The following MMEL1 variants were observed in gnomAD, a reference collection of about 807,000 sequenced individuals.
MMEL1 encodes membrane metallo-endopeptidase-like 1.
Under a neutral mutation model 117.1 loss-of-function variants are expected in MMEL1, and 98 were observed. The observed-to-expected ratio is 0.84, with a 90% CI of 0.71 to 0.99. MMEL1 has a LOEUF of 0.99. Ranked by LOEUF, MMEL1 falls within the 50% of genes least tolerant of loss-of-function variation. MMEL1 has a pLI of 0.00. For missense variants in MMEL1, 1,014 were observed against 1,049.1 expected (o/e 0.97, Z 0.46); for synonymous variants, 390 against 415.1 (o/e 0.94, Z 0.74).
At chr1:2,629,591 G>A in intron 1 of MMEL1, 70 bp from the exon 2 acceptor site, 1 of 1,328,694 alleles carries the variant, frequency 7.5e-7, no homozygotes. Context: ...AGGCTGGAAG[G>A]GCCGGATGCT....
chr1:2,591,359 C>A, intron 23 of MMEL1, 198 bp downstream of exon 23: 1 of 604,782 alleles, frequency 1.7e-6, no homozygotes, highest in Non-Finnish European at 2.9e-6. Flanking sequence ...TAGGCTCCCC[C>A]TTCCTAAACC....
rs150441473 is a variant in MMEL1, at chr1:2,609,803, C to G, written c.321G>C (p.Pro107=). Residue 107 remains proline, a synonymous_variant, in exon 5 of 24, where the codon CCG becomes CCC. Transcript: ENST00000378412. ...AGAAGTCGTCACACGGTTCCGTGGT[C>G]GGGTCCATGTTCTGGAGGATCCTGG... ...AAARILQNMD[P]TTEPCDDFYQ... 1.3e-5 allele frequency: 21 copies of G among 1,612,342 alleles called. No individual in the cohort carries two copies. The Admixed American group carries it at 3.0e-4, about 23-fold the overall frequency.
chr1:2,606,191 A>C (rs1264965162), intron 8 of MMEL1, 57 bp downstream of exon 8: 1 of 1,377,456 alleles, frequency 7.3e-7, no homozygotes, highest in Admixed American at 1.7e-5. Flanking sequence ...GTGCTGCAAG[A>C]GCCCCCAGCC....
chr1:2,601,984 AG>A (rs1430404870), intron 11 of MMEL1, among the ~76,000 whole-genome samples: 4 of 152,226 alleles, frequency 2.6e-5, no homozygotes, highest in African/African-American at 9.6e-5. Flanking sequence ...ACTGTTGAAC[AG>A]ATGCGTGTGC....
intron 14 of MMEL1, 91 bp from the exon 15 acceptor site, chr1:2,596,198 C>T (rs1041764822): frequency 2.8e-5 from 35 of 1,257,440 alleles, no homozygotes; most frequent in South Asian, 1.6e-4. Context: ...GTCTGAGCCC[C>T]GCCGGGGCAA....
At chr1:2,602,600 A>G (rs990212659) in intron 11 of MMEL1, among the ~76,000 whole-genome samples, 1 of 150,460 alleles carries the variant, frequency 6.6e-6, no homozygotes, top group African/African-American at 2.5e-5. Flanking sequence ...CGTCCCCTTC[A>G]CTCACTCTTA....
chr1:2,615,808 G>A (rs1249908306), intron 2 of MMEL1, among the ~76,000 whole-genome samples: 1 of 152,130 alleles, frequency 6.6e-6, no homozygotes, highest in African/African-American at 2.4e-5. Flanking sequence ...AGACCTGTAG[G>A]ACAATGTTAA....
intron 6 of MMEL1, among the ~76,000 whole-genome samples, chr1:2,608,348 G>T (rs969273262): frequency 3.3e-5 from 5 of 152,112 alleles, no homozygotes; most frequent in Non-Finnish European, 5.9e-5. Flanking sequence ...GAGTTAAACG[G>T]TGCTGGGCCG....
At chr1:2,591,498 C>T (rs1366941596) in intron 23 of MMEL1, 59 bp downstream of exon 23, 1 of 1,392,394 alleles carries the variant, frequency 7.2e-7, no homozygotes, top group Non-Finnish European at 1.0e-6. Context: ...TTACAGGCCA[C>T]TGGGGTGGGG....
At chr1:2,625,921 A>G (rs906853507) in intron 2 of MMEL1, among the ~76,000 whole-genome samples, 13 of 132,582 alleles carry the variant, frequency 9.8e-5, no homozygotes, top group African/African-American at 3.1e-4. Flanking sequence ...GGAGTTCCCT[A>G]TGACCAGTGG....
At position 2,629,361 on chromosome 1, in the gene MMEL1, C is replaced by T. The variant is rs1638430885; in HGVS notation, c.124G>A (p.Ala42Thr). Residue 42 changes from alanine to threonine, a missense_variant, in exon 2 of 24, where the codon GCC becomes ACC. Coordinates refer to ENST00000378412, the MANE Select transcript of MMEL1 (RefSeq NM_033467.4). ...LLLLVTAALVALGVLYADRRG... is the reference protein window; with the variant it reads ...LLLLVTAALVTLGVLYADRRG... ...CGGTCGGCGTAGAGGACACCCAAGGCCACCAGGGCAGCGGTCACCAGCAGC... is the reference window on the plus strand; with the variant it reads ...CGGTCGGCGTAGAGGACACCCAAGGTCACCAGGGCAGCGGTCACCAGCAGC... 1 of 1,543,464 alleles carries T rather than the reference C, an allele frequency of 6.5e-7. No homozygotes were observed. Among genetic ancestry groups the T allele is most frequent in the Admixed American group, 2.0e-5 (1 of 50,936 alleles).
intron 2 of MMEL1, among the ~76,000 whole-genome samples, chr1:2,618,564 A>T (rs1645239697): frequency 6.6e-6 from 1 of 152,072 alleles, no homozygotes; most frequent in Non-Finnish European, 1.5e-5. Flanking sequence ...AGAAAGAAAC[A>T]CCCTCCCTGG....
intron 7 of MMEL1, among the ~76,000 whole-genome samples, chr1:2,606,769 C>A (rs540451504): frequency 6.6e-6 from 1 of 152,134 alleles, no homozygotes; most frequent in Non-Finnish European, 1.5e-5. Flanking sequence ...GGACTGGCCA[C>A]GGGGCACCAA....
intron 2 of MMEL1, among the ~76,000 whole-genome samples, chr1:2,624,527 T>C (rs552955295): frequency 2.5e-4 from 38 of 152,358 alleles, no homozygotes; most frequent in Admixed American, 5.9e-4. Context: ...TGCAATGTAT[T>C]ATTATGTAAA....
intron 2 of MMEL1, among the ~76,000 whole-genome samples, chr1:2,620,043 A>G (rs1645267411): frequency 6.6e-6 from 1 of 152,232 alleles, no homozygotes; most frequent in African/African-American, 2.4e-5. Context: ...CAACATTAAT[A>G]TATGTTATCA....
intron 14 of MMEL1, 83 bp from the exon 15 acceptor site, chr1:2,596,190 C>A: frequency 7.7e-7 from 1 of 1,290,556 alleles, no homozygotes; most frequent in South Asian, 1.3e-5. Context: ...GAGGTCTGGT[C>A]TGAGCCCCGC....
Position 2,612,059 on chromosome 1 carries a change from GT to G in MMEL1, c.232+67del. 1.5e-6 allele frequency: 2 copies of G among 1,353,876 alleles called. No homozygotes were observed. The highest frequency in any genetic ancestry group is 2.0e-5 in the Admixed American group (1 of 50,634). The allele number at this position is 1,353,876 out of a possible 1,614,324, so 83.9% of individuals were successfully genotyped here. ...AACCCAGCCCCTGCCCCTCCACGGA[GT>G]CCCCCCACCTTGGGAGGCCAGCGCC... On this transcript the variant is annotated intron_variant, in intron 3 of 23. Transcript: ENST00000378412. The surrounding 1 kb of genome is among the most constrained non-coding windows in gnomAD (Gnocchi z 5.4).
At chr1:2,628,112 C>T (rs1218280813) in intron 2 of MMEL1, among the ~76,000 whole-genome samples, 1 of 152,222 alleles carries the variant, frequency 6.6e-6, no homozygotes, top group Admixed American at 6.5e-5. Context: ...GCCCAGCAGG[C>T]TCTGAACAGA....
chr1:2,614,967 AC>A (rs1436853360), intron 2 of MMEL1, among the ~76,000 whole-genome samples: 5 of 152,128 alleles, frequency 3.3e-5, no homozygotes, highest in Non-Finnish European at 7.3e-5. Context: ...GAAGCAACTG[AC>A]AACTCCCAAT....
Sources: gnomAD v4.1 joint callset for allele counts (sites outside exome capture counted in the v4.1 genomes callset) on GRCh38, gnomAD v4.1.1 for gene constraint, Gnocchi (gnomAD v3.1) non-coding constraint, MANE v1.5 for transcripts, NCBI Gene and HGNC (gene_info 2026-07-23, HGNC 2026-07-21) for gene names.